The following EPHA6 variants were observed in gnomAD, a reference collection of about 807,000 sequenced individuals.
EPHA6 encodes the protein ephrin type-A receptor 6.
In EPHA6, 50 loss-of-function variants were observed where a neutral mutation model predicts 112.0. The observed-to-expected ratio is 0.45, with a 90% CI of 0.36 to 0.56. The LOEUF is 0.56. EPHA6 is among the 20% of genes least tolerant of loss of function. The pLI, the probability that EPHA6 is intolerant of heterozygous loss-of-function variation, is 0.00. For synonymous variants in EPHA6, 529 were observed against 490.7 expected (o/e 1.08, Z -1.03); for missense variants, 1,280 against 1,417.4 (o/e 0.90, Z 1.56).
chr3:97,000,290 CACAT>C (rs997484745), intron 3 of EPHA6, among the ~76,000 whole-genome samples: 9 of 150,482 alleles, frequency 6.0e-5, no homozygotes, highest in Non-Finnish European at 1.2e-4. Flanking sequence ...CACACACACA[CACAT>C]ATATATAGCC....
At chr3:97,408,342 C>G (rs1289008591) in intron 6 of EPHA6, among the ~76,000 whole-genome samples, 1 of 151,992 alleles carries the variant, frequency 6.6e-6, no homozygotes, top group Non-Finnish European at 1.5e-5. Context: ...TCTCTTATCT[C>G]TGTTCCCTTC....
chr3:97,059,154 C>A (rs1400089202), intron 3 of EPHA6, among the ~76,000 whole-genome samples: 5 of 152,080 alleles, frequency 3.3e-5, no homozygotes, highest in Non-Finnish European at 5.9e-5. Context: ...AAGAGAGGGA[C>A]CCCAGAAGAG....
intron 5 of EPHA6, among the ~76,000 whole-genome samples, chr3:97,331,023 GA>G (rs1326651791): frequency 2.6e-5 from 4 of 152,206 alleles, no homozygotes; most frequent in Admixed American, 2.6e-4. Flanking sequence ...AAATGTAAGA[GA>G]ACAGAAATTA....
At chr3:97,454,841 G>C (rs1022670809) in intron 7 of EPHA6, among the ~76,000 whole-genome samples, 11 of 151,904 alleles carry the variant, frequency 7.2e-5, no homozygotes, top group Non-Finnish European at 1.2e-4. Context: ...ATTAATGGTA[G>C]CACATGAAGC....
At chr3:97,179,717 G>GTCTCTCTCTCTCTCTCTCTCTCTCTCTC (rs71113852) in intron 3 of EPHA6, among the ~76,000 whole-genome samples, 1 of 119,110 alleles carries the variant, frequency 8.4e-6, no homozygotes, top group African/African-American at 3.8e-5. Context: ...AACCTACAGA[G>GTCTCTCTCTCTCTCTCTCTCTCTCTCTC]TCTCTCTCTC....
chr3:96,863,621 T>G (rs1481937070), intron 1 of EPHA6, among the ~76,000 whole-genome samples: 1 of 152,004 alleles, frequency 6.6e-6, no homozygotes, highest in African/African-American at 2.4e-5. Context: ...TTTCTAAGCA[T>G]TTGCACTATA....
chr3:97,696,317 G>A (rs2033036931), intron 14 of EPHA6, among the ~76,000 whole-genome samples: 1 of 152,174 alleles, frequency 6.6e-6, no homozygotes, highest in Non-Finnish European at 1.5e-5. Flanking sequence ...TGGCATTGAT[G>A]CCCTCTGAGC....
chr3:97,761,404 AAATTACT>A lies in EPHA6; in HGVS notation c.*12709_*12715del, dbSNP rs2036165252. 3 of 182,670 alleles carry A rather than the reference AAATTACT, an allele frequency of 1.6e-5. No homozygotes were observed. Among genetic ancestry groups the A allele is most frequent in the African/African-American group, 4.7e-5 (2 of 42,686 alleles). 11.3% of individuals were successfully genotyped at this position (182,670 alleles called of 1,614,324 possible). A position where few individuals can be genotyped will look rare whatever the true frequency, so the allele number is the denominator to read the frequency against. On this transcript the variant is annotated 3_prime_UTR_variant, in exon 18 of 18. Transcript: ENST00000389672. ...ATAATAAGATTTTTGTACAAGGTAC[AAATTACT>A]AATTATTGTATTTTATTTTTCTATG...
At chr3:96,818,879 C>T (rs1366876672) in intron 1 of EPHA6, among the ~76,000 whole-genome samples, 1 of 151,880 alleles carries the variant, frequency 6.6e-6, no homozygotes. Context: ...ATTGTTATCA[C>T]ATCACTTCTT....
At chr3:97,421,349 C>T (rs762134654) in intron 6 of EPHA6, among the ~76,000 whole-genome samples, 1 of 152,036 alleles carries the variant, frequency 6.6e-6, no homozygotes, top group Non-Finnish European at 1.5e-5. Context: ...AAATGCATTT[C>T]TATACGTCAG....
At chr3:97,054,035 G>A (rs1032005193) in intron 3 of EPHA6, among the ~76,000 whole-genome samples, 9 of 152,074 alleles carry the variant, frequency 5.9e-5, no homozygotes, top group Non-Finnish European at 8.8e-5. Flanking sequence ...TGCCTTTGGC[G>A]TCATTCATGG....
At chr3:97,690,272 GA>G (rs1392820482) in intron 14 of EPHA6, among the ~76,000 whole-genome samples, 1 of 152,200 alleles carries the variant, frequency 6.6e-6, no homozygotes, top group Non-Finnish European at 1.5e-5. Flanking sequence ...GGTAAGGAAT[GA>G]GGGTTCTAAT....
chr3:96,900,539 G>A (rs1316920507), intron 2 of EPHA6, among the ~76,000 whole-genome samples: 1 of 152,190 alleles, frequency 6.6e-6, no homozygotes. Context: ...CATGGATAGG[G>A]AGGGCCAATT....
chr3:97,214,500 GA>G (rs1290496517), intron 3 of EPHA6, among the ~76,000 whole-genome samples: 2 of 135,536 alleles, frequency 1.5e-5, no homozygotes, highest in Non-Finnish European at 3.2e-5. Flanking sequence ...AAAAAAAAAA[GA>G]AAAGAAAATT....
In EPHA6 at chr3:97,475,449, G is replaced by C. The variant is rs765093976; in HGVS notation, c.1992G>C (p.Leu664Phe). 1 of 1,608,570 alleles carries C rather than the reference G, an allele frequency of 6.2e-7. No homozygotes were observed. Among genetic ancestry groups the C allele is most frequent in the South Asian group, 1.1e-5 (1 of 90,364 alleles). The stretch of plus-strand genomic sequence containing the variant: ...TCGTCATCCTCACTTTATTCTTCTT[G>C]ATCACTGGGAGGTAACTGAAACATA... ...TLLVILTLFF[L>F]ITGRCQWYIK... The change falls in exon 8 of 18, where the codon TTG (leucine) becomes TTC (phenylalanine). Residue 664 changes from leucine (L) to phenylalanine (F), a missense_variant. Coordinates refer to ENST00000389672, the MANE Select transcript of EPHA6 (RefSeq NM_001080448.3).
intron 16 of EPHA6, among the ~76,000 whole-genome samples, chr3:97,737,266 A>G (rs2035301519): frequency 6.6e-6 from 1 of 152,046 alleles, no homozygotes; most frequent in Non-Finnish European, 1.5e-5. Context: ...TTACGTTTGC[A>G]TTTCTGAAAG....
intron 5 of EPHA6, among the ~76,000 whole-genome samples, chr3:97,369,984 G>GA (rs1309034717): frequency 3.4e-4 from 52 of 152,072 alleles, no homozygotes; most frequent in Admixed American, 4.6e-4. Context: ...TACAGAATAA[G>GA]AAAAAACTTT....
At chr3:97,613,423 G>T in intron 13 of EPHA6, among the ~76,000 whole-genome samples, 1 of 151,990 alleles carries the variant, frequency 6.6e-6, no homozygotes, top group Admixed American at 6.6e-5. Context: ...ATTTCCCTTT[G>T]GTCTCCCACA....
chr3:97,005,284 T>G (rs1222655069), intron 3 of EPHA6, among the ~76,000 whole-genome samples: 1 of 152,160 alleles, frequency 6.6e-6, no homozygotes, highest in Non-Finnish European at 1.5e-5. Flanking sequence ...TGTTCTCTCT[T>G]ATTTCCTTGA....
Sources: allele counts gnomAD v4.1 joint callset (sites outside exome capture counted in the v4.1 genomes callset), GRCh38; gene constraint gnomAD v4.1.1; transcripts MANE v1.5; gene names NCBI Gene and HGNC (gene_info 2026-07-23, HGNC 2026-07-21).